The following CHIC1 variants were observed in gnomAD, a reference collection of about 807,000 sequenced individuals.
CHIC1 encodes cysteine-rich hydrophobic domain-containing protein 1.
Under a neutral mutation model 18.5 loss-of-function variants are expected in CHIC1, and 7 were observed. The ratio of observed to expected loss-of-function variants is 0.38; its 90% confidence interval spans 0.22 to 0.71. The LOEUF (loss-of-function observed/expected upper bound fraction) is 0.71. Ranked by LOEUF, CHIC1 falls within the 30% of genes least tolerant of loss-of-function variation. The probability of loss-of-function intolerance (pLI) is 0.49; values close to 1 mark genes in which losing one functional copy is unlikely to be tolerated. For missense variants in CHIC1, 159 were observed against 176.9 expected, an observed-to-expected ratio of 0.90 and a Z score of 0.57; for synonymous variants, 77 against 73.5, an observed-to-expected ratio of 1.05 and a Z score of -0.25.
chrX:73,674,165 G>C (rs919984626), intron 3 of CHIC1, among the ~76,000 whole-genome samples: 6 of 111,864 alleles, frequency 5.4e-5, no homozygotes, highest in African/African-American at 2.0e-4. Flanking sequence ...ATTTTACTGA[G>C]GATTTTTGCA....
intron 3 of CHIC1, among the ~76,000 whole-genome samples, chrX:73,630,471 TG>T (rs1225173683): frequency 6.3e-5 from 7 of 111,787 alleles, no homozygotes; most frequent in African/African-American, 2.3e-4. Flanking sequence ...ATTTTGTTAA[TG>T]TTCTTTCTGT....
chrX:73,635,147 GGTT>G (rs764366259), intron 3 of CHIC1, among the ~76,000 whole-genome samples: 56 of 111,251 alleles, frequency 5.0e-4, no homozygotes, highest in Non-Finnish European at 8.7e-4. Context: ...ATGATCATGT[GGTT>G]GTTTTCATTC....
chrX:73,679,561 T>C lies in CHIC1; in HGVS notation c.565-93T>C, dbSNP rs763436413. 4.1e-5 allele frequency: 26 copies of C among 628,812 alleles called. No individual in the cohort carries two copies. In the East Asian group the frequency reaches 8.6e-4, roughly 21 times the overall value. The allele number at this position is 628,812 out of a possible 1,213,427, so 51.8% of individuals were successfully genotyped here. On this transcript the variant is annotated intron_variant, in intron 4 of 5. Transcript: ENST00000373502. The stretch of plus-strand genomic sequence containing the variant: ...GTGCTCTGTTTTGTATCCTGTACTT[T>C]TCCTGGATTGTTTTCAGTGATTTAT...
At chrX:73,606,377 A>G (rs767286854) in intron 3 of CHIC1, among the ~76,000 whole-genome samples, 15 of 106,054 alleles carry the variant, frequency 1.4e-4, no homozygotes, top group Non-Finnish European at 2.7e-4. Context: ...CTAGATAGCA[A>G]TTCCTCTAAT....
At chrX:73,622,670 TTG>T (rs1469742158) in intron 3 of CHIC1, among the ~76,000 whole-genome samples, 1 of 112,097 alleles carries the variant, frequency 8.9e-6, no homozygotes, top group Non-Finnish European at 1.9e-5. Context: ...GAAGGGTTTT[TTG>T]TGTTTCTGTC....
intron 3 of CHIC1, among the ~76,000 whole-genome samples, chrX:73,664,009 TCTC>T (rs761996317): frequency 7.4e-4 from 82 of 111,379 alleles, no homozygotes; most frequent in Admixed American, 6.9e-3. Flanking sequence ...TTTAGGGTCT[TCTC>T]CTTCTTTTAG....
chrX:73,655,647 GTGTATA>G (rs756854038), intron 3 of CHIC1, among the ~76,000 whole-genome samples: 17,244 of 34,369 alleles, frequency 0.5, 1,765 homozygotes, highest in Middle Eastern at 0.6. Context: ...GTGTGTGTGT[GTGTATA>G]TATATATATA....
At chrX:73,636,795 T>TTA (rs749186975) in intron 3 of CHIC1, among the ~76,000 whole-genome samples, 216 of 111,197 alleles carry the variant, frequency 1.9e-3, no homozygotes, top group Middle Eastern at 4.7e-3. Flanking sequence ...GAATCTCTAT[T>TTA]TATATATATA....
intron 1 of CHIC1, among the ~76,000 whole-genome samples, chrX:73,565,730 C>T (rs2057441797): frequency 9.0e-6 from 1 of 111,331 alleles, no homozygotes; most frequent in African/African-American, 3.3e-5. Context: ...AAGTAATATC[C>T]TTATGAAGTA....
At chrX:73,680,600 A>AT (rs1239417336) in intron 5 of CHIC1, among the ~76,000 whole-genome samples, 1 of 111,114 alleles carries the variant, frequency 9.0e-6, no homozygotes, top group Non-Finnish European at 1.9e-5. Flanking sequence ...TCTGTATAGC[A>AT]TTTTTTTAAT....
chrX:73,596,439 A>G (rs2057609066), intron 3 of CHIC1, among the ~76,000 whole-genome samples: 1 of 111,909 alleles, frequency 8.9e-6, no homozygotes, highest in Non-Finnish European at 1.9e-5. Context: ...TATTGTGAAA[A>G]TAGCCATACT....
At chrX:73,574,154 C>T (rs745353156) in intron 1 of CHIC1, among the ~76,000 whole-genome samples, 4 of 110,446 alleles carry the variant, frequency 3.6e-5, no homozygotes, top group Admixed American at 9.6e-5. Flanking sequence ...TGAATTTTAT[C>T]GAAAGCTTTT....
At chrX:73,594,141 C>CCTTTG (rs1233551896) in intron 3 of CHIC1, among the ~76,000 whole-genome samples, 2 of 89,590 alleles carry the variant, frequency 2.2e-5, no homozygotes, top group African/African-American at 8.6e-5. Flanking sequence ...CAGGTGCTTT[C>CCTTTG]CTTTGTTTTG....
intron 3 of CHIC1, among the ~76,000 whole-genome samples, chrX:73,667,254 G>A (rs1443062062): frequency 9.0e-6 from 1 of 111,625 alleles, no homozygotes; most frequent in African/African-American, 3.3e-5. Flanking sequence ...TTTGCATGTA[G>A]GATGGGTCTT....
intron 2 of CHIC1, among the ~76,000 whole-genome samples, chrX:73,583,873 A>C (rs754931440): frequency 1.4e-4 from 16 of 111,704 alleles, no homozygotes; most frequent in African/African-American, 4.9e-4. Context: ...ATCACTAGGC[A>C]TTGTCTTTTG....
intron 3 of CHIC1, among the ~76,000 whole-genome samples, chrX:73,656,064 A>T (rs2057947560): frequency 9.0e-6 from 1 of 111,692 alleles, no homozygotes; most frequent in Non-Finnish European, 1.9e-5. Flanking sequence ...ATGATCAGTG[A>T]TATTGAGCAT....
At chrX:73,654,163 G>A (rs1249926598) in intron 3 of CHIC1, among the ~76,000 whole-genome samples, 1 of 112,164 alleles carries the variant, frequency 8.9e-6, no homozygotes, top group Non-Finnish European at 1.9e-5. Flanking sequence ...TATAATGTTA[G>A]CTGTGGTTTT....
chrX:73,594,034 G>A (rs1231150079), intron 3 of CHIC1, among the ~76,000 whole-genome samples: 2 of 110,569 alleles, frequency 1.8e-5, no homozygotes, highest in Admixed American at 9.6e-5. Context: ...GGGTTCTTGT[G>A]TTTCTCATTT....
At chrX:73,613,069 ACTTT>A (rs1303199042) in intron 3 of CHIC1, among the ~76,000 whole-genome samples, 2 of 111,481 alleles carry the variant, frequency 1.8e-5, no homozygotes, top group African/African-American at 6.5e-5. Context: ...TACATAGTGA[ACTTT>A]CTGTCTCATT....
Sources: gnomAD v4.1 joint callset for allele counts (sites outside exome capture counted in the v4.1 genomes callset) on GRCh38, gnomAD v4.1.1 for gene constraint, MANE v1.5 for transcripts, NCBI Gene and HGNC (gene_info 2026-07-23, HGNC 2026-07-21) for gene names.